KREMEN1: variants seen among roughly 807,000 people sequenced by gnomAD.
KREMEN1 encodes the protein kremen protein 1.
In KREMEN1, 30 loss-of-function variants were observed where a neutral mutation model predicts 46.5. That is an observed-to-expected ratio of 0.65 (90% CI 0.48 to 0.88). KREMEN1 has a LOEUF of 0.88. Among genes scored for constraint, KREMEN1 ranks in the 40% least tolerant of loss-of-function variants. The probability of loss-of-function intolerance (pLI) is 0.00; values close to 1 mark genes in which losing one functional copy is unlikely to be tolerated. For missense variants in KREMEN1, 533 were observed against 596.9 expected (o/e 0.89, Z 1.11); for synonymous variants, 214 against 230.6 (o/e 0.93, Z 0.65).
chr22:29,106,944 C>T (rs1433033529), intron 3 of KREMEN1, among the ~76,000 whole-genome samples: 1 of 152,126 alleles, frequency 6.6e-6, no homozygotes, highest in Non-Finnish European at 1.5e-5. Flanking sequence ...TTGGGAAATC[C>T]TAAGCCCCAG....
chr22:29,110,150 G>A (rs2038123889), intron 3 of KREMEN1, among the ~76,000 whole-genome samples: 1 of 152,238 alleles, frequency 6.6e-6, no homozygotes, highest in African/African-American at 2.4e-5. Context: ...TTTCAGCTGA[G>A]TGGTTCTTCT....
At chr22:29,105,478 T>TACACACACACACACACACACACAC (rs10642386) in intron 3 of KREMEN1, among the ~76,000 whole-genome samples, 93 of 146,994 alleles carry the variant, frequency 6.3e-4, no homozygotes, top group Admixed American at 1.1e-3. Context: ...CACACACACA[T>TACACACACACACACACACACACAC]ACACACACAC....
rs2038981087 is a variant in KREMEN1 at position 29,158,257 on chromosome 22, A to C, written c.1417-8787A>C. The stretch of plus-strand genomic sequence containing the variant: ...CACGTGCAGCCAGCCATGGCAGTAG[A>C]GGGACAAAATGATGCCGGAGCAAGA... On this transcript the variant is annotated intron_variant, in intron 9 of 9. Coordinates refer to the KREMEN1 transcript ENST00000327813. Among the ~76,000 whole-genome samples the C allele has an allele frequency of 2.0e-5, 3 of 152,314 alleles. No individual in the cohort carries two copies. The South Asian group carries it at 6.2e-4, about 32-fold the overall frequency.
At chr22:29,118,585 C>CAG (rs773320256) in intron 3 of KREMEN1, among the ~76,000 whole-genome samples, 4 of 152,018 alleles carry the variant, frequency 2.6e-5, no homozygotes, top group Non-Finnish European at 4.4e-5. Context: ...CTTCTTGCTG[C>CAG]AGAGAGAGAG....
chr22:29,136,815 G>A (rs879217835), intron 5 of KREMEN1, among the ~76,000 whole-genome samples: 20 of 152,262 alleles, frequency 1.3e-4, no homozygotes, highest in Admixed American at 1.2e-3. Context: ...GCTTGAAAAC[G>A]TGGTCCCTCA....
chr22:29,094,325 G>A lies in KREMEN1; in HGVS notation c.165G>A (p.Lys55=). The change falls in exon 2 of 9, where the codon AAG becomes AAA. Residue 55 remains lysine (K), a synonymous_variant. Coordinates refer to ENST00000400335, the MANE Select transcript of KREMEN1 (RefSeq NM_001039570.3). The part of the protein sequence containing the change: ...TQNWTALQGG[K]PCLFWNETFQ... ...ACTGGACAGCACTACAAGGCGGGAAGCCATGTCTGTTTTGGAACGAGACTT... is the reference window on the plus strand; with the variant it reads ...ACTGGACAGCACTACAAGGCGGGAAACCATGTCTGTTTTGGAACGAGACTT... The A allele has an allele frequency of 2.5e-6, 4 of 1,614,010 alleles. No homozygotes were observed. Among genetic ancestry groups the A allele is most frequent in the Non-Finnish European group, 3.4e-6 (4 of 1,179,910 alleles).
intron 5 of KREMEN1, among the ~76,000 whole-genome samples, chr22:29,136,581 A>T (rs2038661434): frequency 6.6e-6 from 1 of 151,546 alleles, no homozygotes; most frequent in Admixed American, 6.6e-5. Flanking sequence ...TCTCAAAAAA[A>T]AAAAAAAATA....
chr22:29,147,720 C>T (rs1352235301), downstream of KREMEN1, among the ~76,000 whole-genome samples: 1 of 152,204 alleles, frequency 6.6e-6, no homozygotes, highest in Non-Finnish European at 1.5e-5. Context: ...ACAGGCCCAG[C>T]CAGGAGATGC....
intron 5 of KREMEN1, among the ~76,000 whole-genome samples, chr22:29,125,820 T>A (rs1419610650): frequency 6.6e-6 from 1 of 152,100 alleles, no homozygotes; most frequent in African/African-American, 2.4e-5. Context: ...GATTTATATA[T>A]TATTGTGATA....
At chr22:29,150,044 G>A (rs140999346), downstream of KREMEN1, among the ~76,000 whole-genome samples, 447 of 152,214 alleles carry the variant, frequency 2.9e-3, 1 homozygote, top group African/African-American at 0.01. Context: ...CTGTGGCGAG[G>A]TCGGGTCCCG....
chr22:29,102,179 AACCCTT>A (rs1403708852), intron 3 of KREMEN1, among the ~76,000 whole-genome samples: 1 of 152,116 alleles, frequency 6.6e-6, no homozygotes, highest in Non-Finnish European at 1.5e-5. Flanking sequence ...GGGATCTGGC[AACCCTT>A]TCACTGATAC....
intron 3 of KREMEN1, among the ~76,000 whole-genome samples, chr22:29,110,851 C>T (rs764644742): frequency 1.8e-4 from 27 of 152,222 alleles, no homozygotes; most frequent in South Asian, 4.2e-4. Context: ...AGTGAGCTTA[C>T]GGTCACGGGT....
intron 1 of KREMEN1, among the ~76,000 whole-genome samples, chr22:29,083,794 C>T (rs1281516379): frequency 6.6e-6 from 1 of 151,670 alleles, no homozygotes; most frequent in East Asian, 1.9e-4. Context: ...ATTGCGCCAC[C>T]GCACTCCAGC....
intron 9 of KREMEN1, among the ~76,000 whole-genome samples, chr22:29,155,880 AC>A (rs2038956682): frequency 6.6e-6 from 1 of 151,544 alleles, no homozygotes; most frequent in Non-Finnish European, 1.5e-5. Flanking sequence ...AATCACTTGA[AC>A]CCAGGAAGCA....
chr22:29,145,226 T>C lies in KREMEN1; in HGVS notation c.*3114T>C. 1 of 985,672 alleles carries C rather than the reference T, an allele frequency of 1.0e-6. No homozygotes were observed. The highest frequency in any genetic ancestry group is 1.7e-5 in the African/African-American group (1 of 57,352). The allele number at this position is 985,672 out of a possible 1,614,324, so 61.1% of individuals were successfully genotyped here. A position where few individuals can be genotyped will look rare whatever the true frequency, so the allele number is the denominator to read the frequency against. ...CATGGAGGAGGTGGCACTTGAACTT[T>C]TAGGAAACTCCTTAGATGAGATAAA... On this transcript the variant is annotated 3_prime_UTR_variant, in exon 9 of 9. Transcript: ENST00000400335.
chr22:29,077,252 A>C (rs1045253676), intron 1 of KREMEN1, among the ~76,000 whole-genome samples: 8 of 152,176 alleles, frequency 5.3e-5, no homozygotes, highest in African/African-American at 1.9e-4. Flanking sequence ...CAATTATTCA[A>C]CTCTGTAGGG....
chr22:29,126,102 T>C (rs762206954), intron 5 of KREMEN1, among the ~76,000 whole-genome samples: 12 of 104,360 alleles, frequency 1.1e-4, no homozygotes, highest in South Asian at 4.0e-4. Flanking sequence ...GATTTAAAGA[T>C]AGTGGAGGCA....
At chr22:29,153,559 A>C (rs2038934535) in intron 9 of KREMEN1, among the ~76,000 whole-genome samples, 1 of 151,916 alleles carries the variant, frequency 6.6e-6, no homozygotes, top group Admixed American at 6.6e-5. Context: ...GCGTCTCACT[A>C]TGTTGCCCAG....
At chr22:29,092,878 G>A (rs376635659) in intron 1 of KREMEN1, among the ~76,000 whole-genome samples, 6 of 152,174 alleles carry the variant, frequency 3.9e-5, no homozygotes, top group African/African-American at 1.4e-4. Flanking sequence ...GGGAGGCCGA[G>A]GCAGGAGAAT....
Sources: allele counts gnomAD v4.1 joint callset (sites outside exome capture counted in the v4.1 genomes callset), GRCh38; gene constraint gnomAD v4.1.1; transcripts MANE v1.5; gene names NCBI Gene and HGNC (gene_info 2026-07-23, HGNC 2026-07-21).